Variants in PRKACB observed in about 807,000 individuals in gnomAD.
PRKACB encodes the protein protein kinase cAMP-activated catalytic subunit beta, also known as cAMP-dependent protein kinase catalytic subunit beta.
A neutral mutation model predicts 51.4 loss-of-function variants in PRKACB; 16 were observed. That is an observed-to-expected ratio of 0.31 (90% CI 0.21 to 0.47). The LOEUF (loss-of-function observed/expected upper bound fraction) is 0.47. Ranked by LOEUF, PRKACB falls within the 20% of genes least tolerant of loss-of-function variation. The pLI is 1.00. For missense variants in PRKACB, 309 were observed against 464.5 expected (o/e 0.67, Z 3.08); for synonymous variants, 147 against 154.4 (o/e 0.95, Z 0.35).
At chr1:84,178,277 A>G (rs934168672) in intron 1 of PRKACB, among the ~76,000 whole-genome samples, 2 of 151,930 alleles carry the variant, frequency 1.3e-5, no homozygotes, top group African/African-American at 4.8e-5. Context: ...TCTTATACCT[A>G]AAGATATGAA....
At chr1:84,111,777 T>A (rs767457035) in intron 1 of PRKACB, among the ~76,000 whole-genome samples, 6 of 151,768 alleles carry the variant, frequency 4.0e-5, no homozygotes, top group Non-Finnish European at 5.9e-5. Context: ...ACCGTAGAAA[T>A]TTTCTAGGTT....
At chr1:84,186,599 G>A (rs918227064) in intron 5 of PRKACB, among the ~76,000 whole-genome samples, 2 of 152,068 alleles carry the variant, frequency 1.3e-5, no homozygotes, top group Non-Finnish European at 2.9e-5. Flanking sequence ...GGTATGATGA[G>A]AATGACTAAT....
At chr1:84,173,488 G>C (rs1478111133) in intron 1 of PRKACB, 2 of 775,648 alleles carry the variant, frequency 2.6e-6, no homozygotes, top group Non-Finnish European at 2.1e-6. Flanking sequence ...AATATTTTTA[G>C]TGTGTGTGTA....
intron 8 of PRKACB, among the ~76,000 whole-genome samples, chr1:84,212,914 G>C (rs1672341536): frequency 6.6e-6 from 1 of 152,114 alleles, no homozygotes. Context: ...GGGGGAGACA[G>C]AAATATGCAC....
At chr1:84,092,595 TGAGA>T (rs2100777263) in intron 1 of PRKACB, among the ~76,000 whole-genome samples, 1 of 152,248 alleles carries the variant, frequency 6.6e-6, no homozygotes, top group South Asian at 2.1e-4. Context: ...TGTGTGTGCG[TGAGA>T]GAGAATGATG....
chr1:84,138,518 A>ACAAAAATACTCT (rs1273938153), intron 1 of PRKACB, among the ~76,000 whole-genome samples: 1 of 152,216 alleles, frequency 6.6e-6, no homozygotes, highest in African/African-American at 2.4e-5. Flanking sequence ...ACATTGTATT[A>ACAAAAATACTCT]GTATTTGTAA....
At chr1:84,226,279 T>C (rs1002793144) in intron 9 of PRKACB, among the ~76,000 whole-genome samples, 1 of 151,236 alleles carries the variant, frequency 6.6e-6, no homozygotes, top group African/African-American at 2.4e-5. Flanking sequence ...TTTTTGTTTT[T>C]TTTTTTGGTC....
chr1:84,198,261 G>C (rs113783713), intron 7 of PRKACB, among the ~76,000 whole-genome samples: 1 of 152,126 alleles, frequency 6.6e-6, no homozygotes, highest in Non-Finnish European at 1.5e-5. Context: ...TTTTAAATAG[G>C]ACTATTAACA....
chr1:84,078,973 C>G (rs1374443729), intron 1 of PRKACB, among the ~76,000 whole-genome samples: 1 of 152,200 alleles, frequency 6.6e-6, no homozygotes, highest in Non-Finnish European at 1.5e-5. Context: ...TTTGCCTTTT[C>G]TCTAGACATT....
chr1:84,205,046 C>G (rs967539668), intron 8 of PRKACB: 33 of 982,654 alleles, frequency 3.4e-5, no homozygotes, highest in Non-Finnish European at 4.0e-5. Flanking sequence ...CTTATTATAT[C>G]ACAATATTCT....
At chr1:84,178,399 A>C (rs1662070575) in intron 1 of PRKACB, among the ~76,000 whole-genome samples, 1 of 152,018 alleles carries the variant, frequency 6.6e-6, no homozygotes, top group Non-Finnish European at 1.5e-5. Flanking sequence ...GGAAAGTTTT[A>C]ACTGGTTCAT....
At chr1:84,175,076 TA>T in intron 1 of PRKACB, 1 of 1,445,668 alleles carries the variant, frequency 6.9e-7, no homozygotes, top group Non-Finnish European at 9.1e-7. Context: ...TACTTTTTAA[TA>T]AAACAAATAT....
At chr1:84,224,268 G>A (rs1414662628) in intron 9 of PRKACB, among the ~76,000 whole-genome samples, 1 of 152,202 alleles carries the variant, frequency 6.6e-6, no homozygotes, top group Non-Finnish European at 1.5e-5. Flanking sequence ...AATTTTAGCA[G>A]GTCTGCAAGG....
intron 1 of PRKACB, among the ~76,000 whole-genome samples, chr1:84,111,724 T>TA (rs549032161): frequency 4.8e-5 from 7 of 146,904 alleles, no homozygotes; most frequent in African/African-American, 1.0e-4. Flanking sequence ...ACTTAAAAGT[T>TA]AAAAAAAAAA....
chr1:84,168,692 T>C (rs748158093), intron 1 of PRKACB, among the ~76,000 whole-genome samples: 1 of 151,616 alleles, frequency 6.6e-6, no homozygotes, highest in Non-Finnish European at 1.5e-5. Context: ...CAGTTTTAAC[T>C]TGAGTAGCTT....
intron 5 of PRKACB, among the ~76,000 whole-genome samples, chr1:84,191,801 A>G (rs1425982424): frequency 6.6e-6 from 1 of 152,096 alleles, no homozygotes; most frequent in Non-Finnish European, 1.5e-5. Context: ...CCATGTAGCA[A>G]ACCTGCACAT....
chr1:84,163,451 A>C (rs1227191846), intron 1 of PRKACB, among the ~76,000 whole-genome samples: 1 of 151,904 alleles, frequency 6.6e-6, no homozygotes, highest in African/African-American at 2.4e-5. Context: ...TTTCGTTGAC[A>C]ATATCACTAA....
intron 1 of PRKACB, among the ~76,000 whole-genome samples, chr1:84,132,493 G>GCACA (rs1470557635): frequency 6.6e-6 from 1 of 152,022 alleles, no homozygotes; most frequent in African/African-American, 2.4e-5. Flanking sequence ...AAATTAGAAG[G>GCACA]CACACCTAAA....
At chr1:84,175,873 A>G (rs570675756) in intron 1 of PRKACB, 8 of 1,201,996 alleles carry the variant, frequency 6.7e-6, no homozygotes, top group East Asian at 5.6e-5. Flanking sequence ...GAAAAAATAT[A>G]TAATTGAAAA....
Sources: allele counts gnomAD v4.1 joint callset (sites outside exome capture counted in the v4.1 genomes callset), GRCh38; gene constraint gnomAD v4.1.1; transcripts MANE v1.5; gene names NCBI Gene and HGNC (gene_info 2026-07-23, HGNC 2026-07-21).